The following VDR variants were observed in gnomAD, a reference collection of about 807,000 sequenced individuals.
VDR encodes the protein vitamin D receptor.
A neutral mutation model predicts 39.7 loss-of-function variants in VDR; 19 were observed. The ratio of observed to expected loss-of-function variants is 0.48; its 90% CI spans 0.33 to 0.70. VDR has a LOEUF of 0.70. Among genes scored for constraint, VDR ranks in the 30% least tolerant of loss-of-function variants. The probability of loss-of-function intolerance (pLI) is 0.02; values close to 1 mark genes in which losing one functional copy is unlikely to be tolerated. For missense variants in VDR, 442 were observed against 570.5 expected, an observed-to-expected ratio of 0.77 and a Z score of 2.29; for synonymous variants, 242 against 215.8, an observed-to-expected ratio of 1.12 and a Z score of -1.07.
At chr12:47,867,017 C>CA (rs1555152628) in intron 3 of VDR, among the ~76,000 whole-genome samples, 9 of 150,838 alleles carry the variant, frequency 6.0e-5, no homozygotes, top group South Asian at 2.1e-4. Flanking sequence ...CAAAACAAAA[C>CA]AAAAAAAACC....
intron 6 of VDR, among the ~76,000 whole-genome samples, chr12:47,856,887 C>T (rs1463120589): frequency 1.3e-5 from 2 of 152,220 alleles, no homozygotes; most frequent in Non-Finnish European, 2.9e-5. Flanking sequence ...AGCATGGGCC[C>T]GGGAGGCTGA....
Position 47,845,883 on chromosome 12 carries a change from G to A in VDR, c.1024+452C>T, listed in dbSNP as rs11574111. The stretch of plus-strand genomic sequence containing the variant: ...CTCCCTCTTCTCACCTCTAACCAGC[G>A]GAAGAGGTCAAGGGTCACTGCACAT... On this transcript the variant is annotated intron_variant, in intron 9 of 9. Coordinates refer to ENST00000549336, the MANE Select transcript of VDR (RefSeq NM_000376.3). Among the ~76,000 whole-genome samples, 1,036 of 152,326 alleles carry A rather than the reference G, an allele frequency of 6.8e-3. 18 individuals carry two copies. Among genetic ancestry groups the A allele is most frequent in the African/African-American group, 0.024 (986 of 41,572 alleles).
chr12:47,857,050 A>T, intron 6 of VDR, 79 bp downstream of exon 6: 1 of 1,603,658 alleles, frequency 6.2e-7, no homozygotes, highest in Non-Finnish European at 8.5e-7. Context: ...ACCTCCTTCC[A>T]TCCAGCAGCC....
chr12:47,882,731 T>A lies in VDR; in HGVS notation c.-40A>T. 1 of 1,443,628 alleles carries A rather than the reference T, an allele frequency of 6.9e-7. No individual in the cohort carries two copies. The highest frequency in any genetic ancestry group is 1.2e-5 in the South Asian group (1 of 82,156). 89.4% of individuals were successfully genotyped at this position (1,443,628 alleles called of 1,614,324 possible). On this transcript the variant is annotated 5_prime_UTR_variant, in exon 2 of 10. Coordinates refer to ENST00000549336, the MANE Select transcript of VDR (RefSeq NM_000376.3). Reference sequence around the variant, plus strand: ...GGGGCAGGTAAGTGGAGCCCAGGGGTGCTCTTCTGTGAGGTCTCACAGACA... The same window carrying A: ...GGGGCAGGTAAGTGGAGCCCAGGGGAGCTCTTCTGTGAGGTCTCACAGACA...
chr12:47,883,788 G>C (rs772460995), intron 1 of VDR, among the ~76,000 whole-genome samples: 4 of 152,360 alleles, frequency 2.6e-5, no homozygotes, highest in Admixed American at 6.5e-5. Context: ...AAGCAGGGAA[G>C]GGGGAGAGCT....
At chr12:47,875,980 C>T (rs964800677) in intron 3 of VDR, among the ~76,000 whole-genome samples, 6 of 152,262 alleles carry the variant, frequency 3.9e-5, no homozygotes, top group Non-Finnish European at 7.3e-5. Context: ...TGCAGCACTA[C>T]GCTTGGGAAC....
intron 1 of VDR, among the ~76,000 whole-genome samples, chr12:47,904,029 C>T (rs572322159): frequency 1.9e-4 from 29 of 151,984 alleles, no homozygotes; most frequent in Non-Finnish European, 2.9e-4. Context: ...TGGGCTCTGG[C>T]CCCTTTGGCT....
intron 1 of VDR, among the ~76,000 whole-genome samples, chr12:47,900,487 A>G (rs1056722514): frequency 2.6e-5 from 4 of 152,130 alleles, no homozygotes. Flanking sequence ...CTCACAGGCT[A>G]TGACAGCTTG....
intron 3 of VDR, 30 bp from the exon 4 acceptor site, chr12:47,865,207 G>A: frequency 6.2e-7 from 1 of 1,607,210 alleles, no homozygotes. Flanking sequence ...CCTGCCCTGG[G>A]TCACTGAACT....
Position 47,846,328 on chromosome 12 carries a change from C to T in VDR, c.1024+7G>A. On this transcript the variant is annotated splice_region_variant and intron_variant, in intron 9 of 9. Coordinates refer to ENST00000549336, the MANE Select transcript of VDR (RefSeq NM_000376.3). ...GTCCCTGAGCTCCTCCCTGCCTGGC[C>T]CCATACCTGGGGAGACGATGCAGAT... 1 of 1,607,466 alleles carries T rather than the reference C, an allele frequency of 6.2e-7. No homozygotes were observed. Among genetic ancestry groups the T allele is most frequent in the Non-Finnish European group, 8.5e-7 (1 of 1,178,408 alleles).
At chr12:47,860,673 G>T (rs531783453) in intron 4 of VDR, among the ~76,000 whole-genome samples, 2 of 152,162 alleles carry the variant, frequency 1.3e-5, no homozygotes, top group Admixed American at 1.3e-4. Context: ...TGTCTGCCCC[G>T]CATTGCATGG....
chr12:47,852,873 G>C (rs1565610645), intron 7 of VDR, among the ~76,000 whole-genome samples: 1 of 152,122 alleles, frequency 6.6e-6, no homozygotes, highest in Non-Finnish European at 1.5e-5. Context: ...TCCAGAGCCG[G>C]CAATGTTAAC....
intron 3 of VDR, among the ~76,000 whole-genome samples, chr12:47,870,917 G>A (rs1400506153): frequency 6.6e-6 from 1 of 152,212 alleles, no homozygotes; most frequent in Non-Finnish European, 1.5e-5. Flanking sequence ...TATAGACCAT[G>A]TCTATCTGTC....
At chr12:47,861,201 C>G (rs561992380) in intron 4 of VDR, among the ~76,000 whole-genome samples, 18 of 152,392 alleles carry the variant, frequency 1.2e-4, no homozygotes, top group African/African-American at 4.3e-4. Flanking sequence ...GGAGTTTTGA[C>G]AGGCATTGTG....
At chr12:47,857,369 CA>C (rs1363532364) in intron 5 of VDR, 120 bp from the exon 6 acceptor site, 63 of 1,602,942 alleles carry the variant, frequency 3.9e-5, no homozygotes, top group Admixed American at 2.9e-4. Context: ...CTCCCAGTGC[CA>C]GGGGCAGAGC....
In VDR at chr12:47,844,685, G is replaced by C. The variant is rs188567378; in HGVS notation, c.*61C>G. 21 of 1,609,404 alleles carry C rather than the reference G, an allele frequency of 1.3e-5. No individual in the cohort carries two copies. The Admixed American group carries it at 3.5e-4, about 27-fold the overall frequency. On this transcript the variant is annotated 3_prime_UTR_variant, in exon 10 of 10. Coordinates refer to ENST00000549336, the MANE Select transcript of VDR (RefSeq NM_000376.3). ...GGGCTGCTGAGTAGCCGCCAGCCCC[G>C]GGCCTGGCACGTGGCCCTGGAGGAG...
chr12:47,870,214 G>A (rs768227876), intron 3 of VDR, among the ~76,000 whole-genome samples: 1 of 152,158 alleles, frequency 6.6e-6, no homozygotes, highest in Non-Finnish European at 1.5e-5. Flanking sequence ...CCTTCCAAGG[G>A]CACTTCCACA....
chr12:47,876,239 GCA>G (rs1405555378), intron 3 of VDR, among the ~76,000 whole-genome samples: 14 of 151,536 alleles, frequency 9.2e-5, no homozygotes, highest in Admixed American at 4.0e-4. Context: ...GTGTGTGTGT[GCA>G]TGTGTGTGTT....
chr12:47,849,056 AG>A (rs1945335854), intron 7 of VDR, among the ~76,000 whole-genome samples: 1 of 152,230 alleles, frequency 6.6e-6, no homozygotes, highest in Admixed American at 6.5e-5. Context: ...AACAATGGCG[AG>A]GAAAAGGCAG....
Sources: gnomAD v4.1 joint callset for allele counts (sites outside exome capture counted in the v4.1 genomes callset) on GRCh38, gnomAD v4.1.1 for gene constraint, MANE v1.5 for transcripts, NCBI Gene and HGNC (gene_info 2026-07-23, HGNC 2026-07-21) for gene names.